The following DPP10 variants were observed in gnomAD, a reference collection of about 807,000 sequenced individuals.
DPP10 encodes inactive dipeptidyl peptidase 10.
A neutral mutation model predicts 120.9 loss-of-function variants in DPP10; 33 were observed. The ratio of observed to expected loss-of-function variants is 0.27; its 90% CI spans 0.21 to 0.37. DPP10 has a LOEUF of 0.37. DPP10 is among the 10% of genes least tolerant of loss of function. DPP10 has a pLI of 1.00. For missense variants in DPP10, 816 were observed against 942.8 expected, an observed-to-expected ratio of 0.87 and a Z score of 1.76; for synonymous variants, 337 against 326.1, an observed-to-expected ratio of 1.03 and a Z score of -0.36.
chr2:114,843,184 A>G (rs1016202506), intron 1 of DPP10, among the ~76,000 whole-genome samples: 2 of 152,100 alleles, frequency 1.3e-5, no homozygotes, highest in Non-Finnish European at 2.9e-5. Flanking sequence ...TGAGAAATGA[A>G]CCGAAAAATA....
At chr2:115,427,514 G>A (rs1229286022) in intron 3 of DPP10, among the ~76,000 whole-genome samples, 1 of 152,162 alleles carries the variant, frequency 6.6e-6, no homozygotes, top group East Asian at 1.9e-4. Flanking sequence ...GGCCCAAGCT[G>A]TACTGTGAGG....
At chr2:114,598,610 G>T (rs78669276) in intron 1 of DPP10, among the ~76,000 whole-genome samples, 15,183 of 151,926 alleles carry the variant, frequency 0.1, 818 homozygotes, top group East Asian at 0.22. Flanking sequence ...CTTGGCAGTG[G>T]CAAGTAGAGA....
intron 1 of DPP10, among the ~76,000 whole-genome samples, chr2:114,705,889 C>A (rs17043375): frequency 0.031 from 4,657 of 152,172 alleles, 244 homozygotes; most frequent in African/African-American, 0.11. Flanking sequence ...TATTATTTGC[C>A]CAGGTCCATG....
chr2:114,732,169 T>C (rs1243760712), intron 1 of DPP10, among the ~76,000 whole-genome samples: 1 of 152,166 alleles, frequency 6.6e-6, no homozygotes, highest in Non-Finnish European at 1.5e-5. Context: ...TATACATAGC[T>C]ATCATGAGAG....
chr2:115,217,870 T>TC (rs1007872203), intron 1 of DPP10, among the ~76,000 whole-genome samples: 6 of 152,182 alleles, frequency 3.9e-5, no homozygotes, highest in African/African-American at 1.4e-4. Flanking sequence ...ACTTACTTTT[T>TC]CAAAACTCAA....
chr2:114,868,995 G>A (rs182718589), intron 1 of DPP10, among the ~76,000 whole-genome samples: 42 of 152,212 alleles, frequency 2.8e-4, no homozygotes, highest in Admixed American at 1.1e-3. Context: ...GGCAGTTCAT[G>A]AAAAGATTGA....
chr2:114,502,369 A>G (rs1053010639), intron 1 of DPP10, among the ~76,000 whole-genome samples: 7 of 152,226 alleles, frequency 4.6e-5, no homozygotes, highest in African/African-American at 1.4e-4. Flanking sequence ...CTGGATTGCT[A>G]CTTACAAAAT....
chr2:115,506,563 T>C (rs1022996059), intron 4 of DPP10, among the ~76,000 whole-genome samples: 1 of 152,104 alleles, frequency 6.6e-6, no homozygotes, highest in Non-Finnish European at 1.5e-5. Context: ...AAATAAATAA[T>C]GATCCTTTAG....
intron 2 of DPP10, among the ~76,000 whole-genome samples, chr2:115,327,851 T>A (rs554530789): frequency 6.6e-6 from 1 of 152,206 alleles, no homozygotes; most frequent in East Asian, 1.9e-4. Context: ...ATTGAGGCTA[T>A]ATGGCCATAA....
chr2:115,309,667 T>C (rs1043614359), intron 2 of DPP10, among the ~76,000 whole-genome samples: 1 of 152,064 alleles, frequency 6.6e-6, no homozygotes, highest in African/African-American at 2.4e-5. Flanking sequence ...CATTTGACTT[T>C]TATTGTGGGT....
chr2:114,869,397 T>C (rs1027289925), intron 1 of DPP10, among the ~76,000 whole-genome samples: 2 of 152,148 alleles, frequency 1.3e-5, no homozygotes, highest in Admixed American at 6.6e-5. Flanking sequence ...ATGCAACAAG[T>C]TATATGAAGT....
intron 3 of DPP10, among the ~76,000 whole-genome samples, chr2:115,426,573 C>T (rs1264784431): frequency 2.3e-5 from 3 of 128,838 alleles, no homozygotes; most frequent in Non-Finnish European, 4.9e-5. Context: ...ATGAGATTCT[C>T]ACCAGGTGCC....
chr2:115,130,120 A>C (rs1046493530), intron 1 of DPP10, among the ~76,000 whole-genome samples: 14 of 152,282 alleles, frequency 9.2e-5, no homozygotes, highest in Admixed American at 5.9e-4. Flanking sequence ...CAAAAATAAA[A>C]GTTTCATTGA....
At chr2:115,265,088 T>C (rs1481480570) in intron 1 of DPP10, among the ~76,000 whole-genome samples, 1 of 152,082 alleles carries the variant, frequency 6.6e-6, no homozygotes, top group East Asian at 1.9e-4. Context: ...GATTTAGTCA[T>C]TGAAACATAA....
At chr2:114,536,862 A>G (rs1686544993) in intron 1 of DPP10, among the ~76,000 whole-genome samples, 1 of 152,152 alleles carries the variant, frequency 6.6e-6, no homozygotes, top group African/African-American at 2.4e-5. Flanking sequence ...CCAGCCCCAT[A>G]CATCCTTTTC....
chr2:115,582,249 A>T (rs2082041647), intron 5 of DPP10, among the ~76,000 whole-genome samples: 2 of 142,580 alleles, frequency 1.4e-5, no homozygotes, highest in South Asian at 2.4e-4. Context: ...CTGCATGCTC[A>T]GTGTGTTTAC....
At position 115,376,681 on chromosome 2, in the gene DPP10, C is replaced by T. The variant is rs2065824412; in HGVS notation, c.271+32769C>T. Reference sequence around the variant, plus strand: ...TCGTCATCTAGCATTAGGTATATCTCCCAATGCTATCCATCCCCCCTCCCC... The same window carrying T: ...TCGTCATCTAGCATTAGGTATATCTTCCAATGCTATCCATCCCCCCTCCCC... On this transcript the variant is annotated intron_variant, in intron 3 of 25. Coordinates refer to ENST00000410059, the MANE Select transcript of DPP10 (RefSeq NM_020868.6). 4.0e-5 allele frequency among the ~76,000 whole-genome samples: 6 copies of T among 149,990 alleles called. No individual in the cohort carries two copies. The South Asian group carries it at 1.3e-3, about 32-fold the overall frequency.
At chr2:115,505,566 G>A (rs2076897310) in intron 4 of DPP10, among the ~76,000 whole-genome samples, 1 of 152,162 alleles carries the variant, frequency 6.6e-6, no homozygotes, top group African/African-American at 2.4e-5. Flanking sequence ...TCTCTGACGT[G>A]TATCCAGAAT....
At chr2:115,058,169 A>G (rs1706086453) in intron 1 of DPP10, among the ~76,000 whole-genome samples, 1 of 150,764 alleles carries the variant, frequency 6.6e-6, no homozygotes, top group African/African-American at 2.4e-5. Flanking sequence ...CACAATGGGT[A>G]GTTGATATCA....
Sources: allele counts gnomAD v4.1 joint callset (sites outside exome capture counted in the v4.1 genomes callset), GRCh38; gene constraint gnomAD v4.1.1; transcripts MANE v1.5; gene names NCBI Gene and HGNC (gene_info 2026-07-23, HGNC 2026-07-21).